DYNC2H1: variants seen among roughly 807,000 people sequenced by gnomAD.
DYNC2H1 encodes cytoplasmic dynein 2 heavy chain 1.
Under a neutral mutation model 570.0 loss-of-function variants are expected in DYNC2H1, and 410 were observed. The observed-to-expected ratio is 0.72, with a 90% CI of 0.66 to 0.78. DYNC2H1 has a LOEUF of 0.78. DYNC2H1 is among the 30% of genes least tolerant of loss of function. DYNC2H1 has a pLI of 0.00. For missense variants in DYNC2H1, 4,865 were observed against 5,046.4 expected, an observed-to-expected ratio of 0.96 and a Z score of 1.09; for synonymous variants, 1,688 against 1,677.6, an observed-to-expected ratio of 1.01 and a Z score of -0.15.
chr11:103,355,479 C>T (rs772927296), intron 82 of DYNC2H1, among the ~76,000 whole-genome samples: 1 of 152,034 alleles, frequency 6.6e-6, no homozygotes, highest in Non-Finnish European at 1.5e-5. Context: ...AAAGCTTGTA[C>T]TTTCTGTTCC....
At chr11:103,306,192 C>T (rs545926015) in intron 77 of DYNC2H1, among the ~76,000 whole-genome samples, 92 of 152,218 alleles carry the variant, frequency 6.0e-4, no homozygotes, top group African/African-American at 2.2e-3. Flanking sequence ...GGATTGCAGG[C>T]GTGAGCCATC....
intron 80 of DYNC2H1, among the ~76,000 whole-genome samples, chr11:103,318,142 C>A (rs1937965059): frequency 6.6e-6 from 1 of 152,014 alleles, no homozygotes; most frequent in Admixed American, 6.6e-5. Context: ...TTAAAAAAAC[C>A]TATTTAATGA....
At chr11:103,391,962 GCAGT>G (rs1391052716) in intron 83 of DYNC2H1, among the ~76,000 whole-genome samples, 1 of 152,216 alleles carries the variant, frequency 6.6e-6, no homozygotes, top group East Asian at 1.9e-4. Flanking sequence ...ACTTGAGGAG[GCAGT>G]CTGTCTGTTC....
At chr11:103,385,757 A>G (rs932494206) in intron 83 of DYNC2H1, among the ~76,000 whole-genome samples, 1 of 152,206 alleles carries the variant, frequency 6.6e-6, no homozygotes, top group African/African-American at 2.4e-5. Context: ...GTTCTTTAAA[A>G]TTCAGTCACA....
At chr11:103,147,723 C>T in intron 18 of DYNC2H1, 49 bp from the exon 19 acceptor site, 1 of 1,124,448 alleles carries the variant, frequency 8.9e-7, no homozygotes, top group Non-Finnish European at 1.3e-6. Context: ...GACTCTTTTC[C>T]TCTAATTAGT....
intron 73 of DYNC2H1, 69 bp downstream of exon 73, chr11:103,283,154 G>A: frequency 7.8e-7 from 1 of 1,278,434 alleles, no homozygotes; most frequent in Non-Finnish European, 1.1e-6. Context: ...TTGATACTTT[G>A]TGCTCCTTAT....
rs540745855 is a variant in DYNC2H1 at position 103,419,167 on chromosome 11, G to A, written c.12367-16776G>A. On this transcript the variant is annotated intron_variant, in intron 84 of 88. Coordinates refer to ENST00000375735, the MANE Select transcript of DYNC2H1 (RefSeq NM_001377.3). The stretch of plus-strand genomic sequence containing the variant: ...ACAAGTTTCTTGGGGTAGGGGTGGC[G>A]GCCGTCTCTGCGATTTGGTAGACTT... 2.8e-4 allele frequency among the ~76,000 whole-genome samples: 42 copies of A among 152,274 alleles called. No homozygotes were observed. The East Asian group carries it at 3.7e-3, about 13-fold the overall frequency.
At chr11:103,338,250 T>C (rs1157297153) in intron 82 of DYNC2H1, among the ~76,000 whole-genome samples, 1 of 152,196 alleles carries the variant, frequency 6.6e-6, no homozygotes, top group Non-Finnish European at 1.5e-5. Flanking sequence ...TTTATGCCCC[T>C]ACCATGGTAT....
At chr11:103,345,760 CT>C (rs1939710965) in intron 82 of DYNC2H1, among the ~76,000 whole-genome samples, 1 of 152,074 alleles carries the variant, frequency 6.6e-6, no homozygotes, top group Admixed American at 6.6e-5. Context: ...ATAGATTACT[CT>C]GGCAGAGTAT....
At chr11:103,206,452 A>G (rs907574176) in intron 52 of DYNC2H1, among the ~76,000 whole-genome samples, 2 of 152,248 alleles carry the variant, frequency 1.3e-5, no homozygotes, top group Admixed American at 1.3e-4. Flanking sequence ...ATCAGAGTGC[A>G]GGTGATATTT....
At chr11:103,322,590 G>A (rs1242758122) in intron 81 of DYNC2H1, among the ~76,000 whole-genome samples, 1 of 152,062 alleles carries the variant, frequency 6.6e-6, no homozygotes, top group Non-Finnish European at 1.5e-5. Flanking sequence ...TTATGTACAA[G>A]TAAGGGTAAA....
In DYNC2H1 at chr11:103,283,987, C is replaced by T. The variant is rs551896116; in HGVS notation, c.10890+902C>T. Among the ~76,000 whole-genome samples, 51 of 149,876 alleles carry T rather than the reference C, an allele frequency of 3.4e-4. 1 individual carries two copies. In the South Asian group the frequency reaches 8.2e-3, roughly 24 times the overall value. On this transcript the variant is annotated intron_variant, in intron 73 of 88. Coordinates refer to ENST00000375735, the MANE Select transcript of DYNC2H1 (RefSeq NM_001377.3). ...CAGGCTCTTGAACCTTCTTCTAGGC[C>T]CACCTGTGCACTTCCTTGTAAAAGC...
chr11:103,188,461 A>G (rs766543150), intron 43 of DYNC2H1, 36 bp from the exon 44 acceptor site: 1 of 1,460,656 alleles, frequency 6.8e-7, no homozygotes. Context: ...GAAATCTTAG[A>G]TAAAAAACGT....
rs1357109695 is a variant in DYNC2H1 at position 103,289,702 on chromosome 11, AG to A, written c.11095+2098del. Among the ~76,000 whole-genome samples the A allele has an allele frequency of 9.9e-5, 15 of 152,142 alleles. No homozygotes were observed. The highest frequency in any genetic ancestry group is 3.6e-4 in the African/African-American group (15 of 41,438). On this transcript the variant is annotated intron_variant, in intron 75 of 88. Coordinates refer to ENST00000375735, the MANE Select transcript of DYNC2H1 (RefSeq NM_001377.3). The surrounding 1 kb of genome is among the most constrained non-coding windows in gnomAD (Gnocchi z 4.2). The stretch of plus-strand genomic sequence containing the variant: ...CTTGAACTCAGGAGTTCAAGGTTGC[AG>A]TGAGCTGTGATTCTGTCACCACATC...
At chr11:103,316,705 T>C (rs1937866323) in intron 80 of DYNC2H1, 85 bp downstream of exon 80, 3 of 1,067,648 alleles carry the variant, frequency 2.8e-6, no homozygotes, top group South Asian at 4.1e-5. Context: ...CAGAAGTGGC[T>C]TAACTTCCTA....
At chr11:103,257,528 C>A in intron 68 of DYNC2H1, 80 bp from the exon 69 acceptor site, 1 of 1,351,450 alleles carries the variant, frequency 7.4e-7, no homozygotes, top group South Asian at 2.0e-5. Context: ...TAGATATGTG[C>A]ATTGTAGTCT....
intron 85 of DYNC2H1, among the ~76,000 whole-genome samples, chr11:103,452,891 AT>A (rs1944659280): frequency 6.6e-6 from 1 of 152,064 alleles, no homozygotes; most frequent in South Asian, 2.1e-4. Flanking sequence ...TAAAAATAAA[AT>A]ATTGCAATAT....
chr11:103,158,462 A>G (rs916358400), intron 26 of DYNC2H1, among the ~76,000 whole-genome samples: 3 of 152,228 alleles, frequency 2.0e-5, no homozygotes, highest in Non-Finnish European at 4.4e-5. Flanking sequence ...AAATAAAAAA[A>G]TTAGCTTAGC....
intron 12 of DYNC2H1, among the ~76,000 whole-genome samples, chr11:103,126,154 A>G (rs1858987296): frequency 6.6e-6 from 1 of 152,222 alleles, no homozygotes; most frequent in South Asian, 2.1e-4. Flanking sequence ...GATTCATTGA[A>G]TATCTACCCT....
Sources: gnomAD v4.1 joint callset for allele counts (sites outside exome capture counted in the v4.1 genomes callset) on GRCh38, gnomAD v4.1.1 for gene constraint, Gnocchi (gnomAD v3.1) non-coding constraint, MANE v1.5 for transcripts, NCBI Gene and HGNC (gene_info 2026-07-23, HGNC 2026-07-21) for gene names.